DDHD1: variants seen among roughly 807,000 people sequenced by gnomAD.
The protein encoded by DDHD1 is phospholipase DDHD1.
Under a neutral mutation model 96.4 loss-of-function variants are expected in DDHD1, and 49 were observed. That is an observed-to-expected ratio of 0.51 (90% CI 0.40 to 0.64). DDHD1 has a LOEUF of 0.64. Among genes scored for constraint, DDHD1 ranks in the 30% least tolerant of loss-of-function variants. The pLI is 0.00. For missense variants in DDHD1, 1,106 were observed against 1,161.2 expected (o/e 0.95, Z 0.69); for synonymous variants, 442 against 446.5 (o/e 0.99, Z 0.13).
At chr14:53,128,606 C>A (rs927965392) in intron 1 of DDHD1, among the ~76,000 whole-genome samples, 1 of 152,200 alleles carries the variant, frequency 6.6e-6, no homozygotes, top group Non-Finnish European at 1.5e-5. Context: ...AACCTTCAGT[C>A]CACTGTAGGA....
At position 53,084,772 on chromosome 14, in the gene DDHD1, G is replaced by C. The variant is rs146814078; in HGVS notation, c.1289+7013C>G. Reference sequence around the variant, plus strand: ...TACCTGGTTCATCTCACTGGGACTGGTTGGACAGTGGGTGCAGCCCATGGA... The same window carrying C: ...TACCTGGTTCATCTCACTGGGACTGCTTGGACAGTGGGTGCAGCCCATGGA... On this transcript the variant is annotated intron_variant, in intron 4 of 12. Coordinates refer to ENST00000673822, the MANE Select transcript of DDHD1 (RefSeq NM_001160148.2). 2.8e-3 allele frequency among the ~76,000 whole-genome samples: 427 copies of C among 151,822 alleles called. 1 individual carries two copies. Among genetic ancestry groups the C allele is most frequent in the African/African-American group, 9.9e-3 (409 of 41,412 alleles).
At chr14:53,108,222 C>G (rs774340686) in intron 1 of DDHD1, among the ~76,000 whole-genome samples, 1 of 152,204 alleles carries the variant, frequency 6.6e-6, no homozygotes, top group Non-Finnish European at 1.5e-5. Flanking sequence ...TCCAGCGAGG[C>G]GCCCACTGCT....
At chr14:53,138,816 G>A (rs1890427911) in intron 1 of DDHD1, among the ~76,000 whole-genome samples, 1 of 152,124 alleles carries the variant, frequency 6.6e-6, no homozygotes, top group South Asian at 2.1e-4. Flanking sequence ...ACACCTTGTT[G>A]CAGGTTCTTC....
intron 1 of DDHD1, among the ~76,000 whole-genome samples, chr14:53,124,879 G>A (rs1408631082): frequency 2.0e-5 from 3 of 152,164 alleles, no homozygotes; most frequent in Non-Finnish European, 2.9e-5. Flanking sequence ...CCAAGATTAA[G>A]GTGTCAGCAG....
chr14:53,051,033 G>A (rs1008231155), intron 12 of DDHD1, among the ~76,000 whole-genome samples: 7 of 149,682 alleles, frequency 4.7e-5, no homozygotes, highest in African/African-American at 1.7e-4. Flanking sequence ...TTAGATCAAC[G>A]CAAACTGAAG....
At chr14:53,083,096 G>T (rs1424428403) in intron 4 of DDHD1, among the ~76,000 whole-genome samples, 1 of 152,220 alleles carries the variant, frequency 6.6e-6, no homozygotes, top group Non-Finnish European at 1.5e-5. Context: ...TGAACTACAT[G>T]TATGTCCTGT....
chr14:53,150,239 T>C (rs962052818), intron 1 of DDHD1, among the ~76,000 whole-genome samples: 1 of 152,210 alleles, frequency 6.6e-6, no homozygotes, highest in African/African-American at 2.4e-5. Context: ...TCTATTTCTC[T>C]GCTTCATTAA....
At chr14:53,075,489 G>C (rs192849157) in intron 4 of DDHD1, among the ~76,000 whole-genome samples, 13 of 152,284 alleles carry the variant, frequency 8.5e-5, no homozygotes, top group African/African-American at 3.1e-4. Context: ...AGAAAAGTTT[G>C]AAGCTAGCAG....
chr14:53,042,949 G>C lies in DDHD1; in HGVS notation c.*3819C>G, dbSNP rs1881756434. The stretch of plus-strand genomic sequence containing the variant: ...GTCCACATGCCTTACTCATTAATTA[G>C]CTGAGAAGATAGAAATACCAATCTA... On this transcript the variant is annotated 3_prime_UTR_variant, in exon 13 of 13. Coordinates refer to ENST00000673822, the MANE Select transcript of DDHD1 (RefSeq NM_001160148.2). The C allele has an allele frequency of 6.6e-6, 1 of 152,210 alleles. No homozygotes were observed. Among genetic ancestry groups the C allele is most frequent in the Admixed American group, 6.5e-5 (1 of 15,294 alleles). The allele number at this position is 152,210 out of a possible 1,614,324, so 9.4% of individuals were successfully genotyped here. A position where few individuals can be genotyped will look rare whatever the true frequency, so the allele number is the denominator to read the frequency against.
intron 1 of DDHD1, among the ~76,000 whole-genome samples, chr14:53,146,711 G>A (rs969718990): frequency 1.3e-5 from 2 of 152,018 alleles, no homozygotes; most frequent in Non-Finnish European, 2.9e-5. Context: ...TCTGCATTGT[G>A]GTTTTCTTCC....
chr14:53,053,314 T>C (rs1882765915), intron 11 of DDHD1: 1 of 152,140 alleles, frequency 6.6e-6, no homozygotes, highest in East Asian at 1.9e-4. Flanking sequence ...AGAACTCTTA[T>C]AGAAGGTAAA....
In DDHD1 at chr14:53,087,048, C is replaced by T. The variant is rs147082773; in HGVS notation, c.1289+4737G>A. ...AAACAGACTTTAAACCAACAAAGAT[C>T]GAAAGAGACAAAGAAGGACGTTACA... On this transcript the variant is annotated intron_variant, in intron 4 of 12. Transcript: ENST00000673822. Among the ~76,000 whole-genome samples the T allele has an allele frequency of 5.6e-3, 827 of 146,598 alleles. 6 individuals carry two copies. Among genetic ancestry groups the T allele is most frequent in the African/African-American group, 0.02 (794 of 39,926 alleles).
At position 53,073,820 on chromosome 14, in the gene DDHD1, T is replaced by C; in HGVS notation, c.1317A>G (p.Glu439=). The change falls in exon 5 of 13, where the codon GAA becomes GAG. Residue 439 remains glutamate (E), a synonymous_variant. Coordinates refer to ENST00000673822, the MANE Select transcript of DDHD1 (RefSeq NM_001160148.2). The part of the protein sequence containing the change: ...AMMREAARKI[E]ERHFSNHATH... ...TTGCATGGTTGGAAAAATGCCTTTC[T>C]TCTATTTTTCTTGCAGCTTCTCTCA... 1.2e-6 allele frequency: 2 copies of C among 1,611,190 alleles called. No homozygotes were observed. The highest frequency in any genetic ancestry group is 4.5e-5 in the East Asian group (2 of 44,772).
chr14:53,153,123 C>T lies in DDHD1; in HGVS notation c.-25G>A, dbSNP rs773145206. 2.5e-5 allele frequency: 34 copies of T among 1,367,462 alleles called. No homozygotes were observed. The highest frequency in any genetic ancestry group is 8.6e-5 in the South Asian group (5 of 57,826). 84.7% of individuals were successfully genotyped at this position (1,367,462 alleles called of 1,614,324 possible). ...TGCTGTGGAGACGCCGCCGGCTGTCCGGCGGCGCGCGGAGCCGTGACCCCC... is the reference window on the plus strand; with the variant it reads ...TGCTGTGGAGACGCCGCCGGCTGTCTGGCGGCGCGCGGAGCCGTGACCCCC... On this transcript the variant is annotated 5_prime_UTR_variant, in exon 1 of 13. Transcript: ENST00000673822.
chr14:53,069,150 C>G (rs1319959593), intron 6 of DDHD1, among the ~76,000 whole-genome samples: 1 of 152,198 alleles, frequency 6.6e-6, no homozygotes, highest in East Asian at 1.9e-4. Flanking sequence ...TCTTGAGCAT[C>G]TTCCTACCTT....
In DDHD1 at chr14:53,043,411, G is replaced by A. The variant is rs1333315946; in HGVS notation, c.*3357C>T. On this transcript the variant is annotated 3_prime_UTR_variant, in exon 13 of 13. Coordinates refer to ENST00000673822, the MANE Select transcript of DDHD1 (RefSeq NM_001160148.2). ...ACATCCAGTGTGTGTGTGTGTGTGTGTGTGTGTGTGTAAATACATACTTTT... is the reference window on the plus strand; with the variant it reads ...ACATCCAGTGTGTGTGTGTGTGTGTATGTGTGTGTGTAAATACATACTTTT... 1 of 152,038 alleles carries A rather than the reference G, an allele frequency of 6.6e-6. No homozygotes were observed. Among genetic ancestry groups the A allele is most frequent in the Non-Finnish European group, 1.5e-5 (1 of 68,110 alleles). 9.4% of individuals were successfully genotyped at this position (152,038 alleles called of 1,614,324 possible). A position where few individuals can be genotyped will look rare whatever the true frequency, so the allele number is the denominator to read the frequency against.
intron 10 of DDHD1, among the ~76,000 whole-genome samples, chr14:53,055,285 G>C (rs541642397): frequency 1.0e-3 from 154 of 152,324 alleles, no homozygotes; most frequent in African/African-American, 3.6e-3. Context: ...CAGAGAACTG[G>C]TTGACAGGGA....
intron 1 of DDHD1, among the ~76,000 whole-genome samples, chr14:53,111,307 A>G (rs1340022850): frequency 6.6e-6 from 1 of 152,250 alleles, no homozygotes; most frequent in African/African-American, 2.4e-5. Flanking sequence ...TTTCTTATAG[A>G]AAAACATATT....
At chr14:53,061,797 G>C (rs1355279230) in intron 7 of DDHD1, among the ~76,000 whole-genome samples, 1 of 151,998 alleles carries the variant, frequency 6.6e-6, no homozygotes, top group Non-Finnish European at 1.5e-5. Flanking sequence ...ACTTTGGGAG[G>C]CTCAGGTGGG....
Sources: gnomAD v4.1 joint callset for allele counts (sites outside exome capture counted in the v4.1 genomes callset) on GRCh38, gnomAD v4.1.1 for gene constraint, MANE v1.5 for transcripts, NCBI Gene and HGNC (gene_info 2026-07-23, HGNC 2026-07-21) for gene names.